The following ARHGEF4 variants were observed in gnomAD, a reference collection of about 807,000 sequenced individuals.
ARHGEF4 encodes Rho guanine nucleotide exchange factor 4.
A neutral mutation model predicts 162.0 loss-of-function variants in ARHGEF4; 119 were observed. That is an observed-to-expected ratio of 0.73 (90% confidence interval 0.63 to 0.86). The LOEUF (loss-of-function observed/expected upper bound fraction) is 0.86, where lower values mean the gene tolerates loss of function less well. Ranked by LOEUF, ARHGEF4 falls within the 40% of genes least tolerant of loss-of-function variation. ARHGEF4 has a pLI of 0.00. For synonymous variants in ARHGEF4, 1,014 were observed against 979.9 expected, an observed-to-expected ratio of 1.03 and a Z score of -0.65; for missense variants, 2,488 against 2,456.0, an observed-to-expected ratio of 1.01 and a Z score of -0.28.
intron 1 of ARHGEF4, among the ~76,000 whole-genome samples, chr2:130,889,191 A>C (rs1679708536): frequency 6.6e-6 from 1 of 152,062 alleles, no homozygotes; most frequent in South Asian, 2.1e-4. Context: ...TATTTAACTT[A>C]CCAAATTATA....
chr2:130,872,376 T>C (rs1444466838), intron 1 of ARHGEF4, among the ~76,000 whole-genome samples: 3 of 152,066 alleles, frequency 2.0e-5, no homozygotes, highest in Non-Finnish European at 2.9e-5. Context: ...ACGTTTGAAA[T>C]TGAGGCTGTC....
At chr2:130,837,046 G>C in intron 1 of ARHGEF4, 54 bp downstream of exon 1, 1 of 1,223,992 alleles carries the variant, frequency 8.2e-7, no homozygotes, top group African/African-American at 1.6e-5. Context: ...CTGCGCGGGT[G>C]GGGAGGAGCA....
At chr2:131,007,227 C>G (rs1317958471) in intron 4 of ARHGEF4, among the ~76,000 whole-genome samples, 4 of 152,292 alleles carry the variant, frequency 2.6e-5, no homozygotes, top group African/African-American at 4.8e-5. Context: ...GCCTCTGTGT[C>G]TATTCCAAGG....
chr2:130,908,527 TTAGC>T (rs1286044859), intron 1 of ARHGEF4, among the ~76,000 whole-genome samples: 1 of 151,994 alleles, frequency 6.6e-6, no homozygotes, highest in Non-Finnish European at 1.5e-5. Context: ...ATATGAAAAA[TTAGC>T]TGGGCATGGT....
At chr2:130,846,131 C>T (rs1295130972) in intron 1 of ARHGEF4, among the ~76,000 whole-genome samples, 2 of 152,252 alleles carry the variant, frequency 1.3e-5, no homozygotes, top group African/African-American at 4.8e-5. Flanking sequence ...CCAGGTCCTT[C>T]TCTGAGAGCT....
At chr2:130,876,688 A>G (rs548223689) in intron 1 of ARHGEF4, among the ~76,000 whole-genome samples, 81 of 152,300 alleles carry the variant, frequency 5.3e-4, no homozygotes, top group South Asian at 2.3e-3. Context: ...CACCGCGCCC[A>G]GCCATGATCA....
chr2:130,977,163 GCTT>G (rs1217377926), intron 4 of ARHGEF4, among the ~76,000 whole-genome samples: 7 of 151,546 alleles, frequency 4.6e-5, no homozygotes, highest in East Asian at 3.9e-4. Context: ...AGCGTGTTGT[GCTT>G]CTGTGTATTG....
Position 130,999,160 on chromosome 2 carries a change from CT to C in ARHGEF4, c.3986-28769del, listed in dbSNP as rs1249587118. 2.7e-3 allele frequency among the ~76,000 whole-genome samples: 371 copies of C among 135,904 alleles called. 2 individuals carry two copies. Among genetic ancestry groups the C allele is most frequent in the Middle Eastern group, 3.8e-3 (1 of 264 alleles). The allele number at this position is 135,904 out of a possible 152,430, so 89.2% of individuals were successfully genotyped here. ...ATAATTGAGGGTTTTTTTGTTTTTT[CT>C]TTTTTTTTTTTTTTTGAGACGGAGT... On this transcript the variant is annotated intron_variant, in intron 4 of 13. Coordinates refer to ENST00000409359, the MANE Select transcript of ARHGEF4 (RefSeq NM_001367493.1).
At chr2:130,962,129 C>T (rs1015916209) in intron 4 of ARHGEF4, among the ~76,000 whole-genome samples, 5 of 151,650 alleles carry the variant, frequency 3.3e-5, no homozygotes, top group Admixed American at 6.6e-5. Context: ...ATCCCAGCTA[C>T]GTGGGAGGCT....
rs114212964 is a variant in ARHGEF4, at chr2:130,998,612, T to G, written c.3986-29333T>G. Among the ~76,000 whole-genome samples, 748 of 152,336 alleles carry G rather than the reference T, an allele frequency of 4.9e-3. 3 individuals carry two copies. Among genetic ancestry groups the G allele is most frequent in the African/African-American group, 0.017 (709 of 41,578 alleles). ...TTCACTTACCAGTATGCATTTGGGT[T>G]TCCTCTGTGTCTTTTATGGCTTCAT... On this transcript the variant is annotated intron_variant, in intron 4 of 13. Transcript: ENST00000409359.
intron 4 of ARHGEF4, among the ~76,000 whole-genome samples, chr2:130,960,338 CTA>C (rs980360275): frequency 5.3e-5 from 8 of 152,008 alleles, no homozygotes; most frequent in African/African-American, 1.9e-4. Flanking sequence ...TGTGCCTTTC[CTA>C]TGTTTTGATT....
intron 1 of ARHGEF4, among the ~76,000 whole-genome samples, chr2:130,878,681 G>A (rs958784018): frequency 1.3e-5 from 2 of 152,176 alleles, no homozygotes; most frequent in East Asian, 1.9e-4. Context: ...TCAGGGCCAC[G>A]GTGATTGCCT....
At chr2:131,009,097 T>C (rs1271032327) in intron 4 of ARHGEF4, among the ~76,000 whole-genome samples, 4 of 152,380 alleles carry the variant, frequency 2.6e-5, no homozygotes, top group African/African-American at 9.6e-5. Context: ...TGCTGGTCAA[T>C]GATTCTCTTA....
chr2:130,961,959 G>A (rs2105190773), intron 4 of ARHGEF4, among the ~76,000 whole-genome samples: 1 of 152,282 alleles, frequency 6.6e-6, no homozygotes, highest in Non-Finnish European at 1.5e-5. Flanking sequence ...ACTGGAAGCA[G>A]GCCGGGCGCG....
chr2:130,869,906 G>A (rs1678348063), intron 1 of ARHGEF4, among the ~76,000 whole-genome samples: 1 of 152,224 alleles, frequency 6.6e-6, no homozygotes, highest in Non-Finnish European at 1.5e-5. Flanking sequence ...CTCACTGTGT[G>A]CACACATGGG....
intron 4 of ARHGEF4, among the ~76,000 whole-genome samples, chr2:131,016,182 T>G (rs1688768007): frequency 6.6e-6 from 1 of 152,150 alleles, no homozygotes. Context: ...CCTCCCAACG[T>G]GCCCCACCAG....
intron 4 of ARHGEF4, among the ~76,000 whole-genome samples, chr2:131,002,374 G>A (rs922838816): frequency 4.6e-5 from 7 of 152,142 alleles, no homozygotes; most frequent in Middle Eastern, 3.4e-3. Flanking sequence ...TCAGGAGATC[G>A]AGACCATCCT....
At position 130,916,250 on chromosome 2, in the gene ARHGEF4, C is replaced by A; in HGVS notation, c.2304C>A (p.Arg768=). ...GAAAARGQRP[R]VPALEPPQPP... ...CAGCAGCCCGGGGCCAGCGCCCCCG[C>A]GTCCCCGCCTTGGAGCCGCCCCAGC... The change falls in exon 2 of 14, where the codon CGC becomes CGA. Residue 768 remains arginine (R), a synonymous_variant. Transcript: ENST00000409359. The A allele has an allele frequency of 6.6e-7, 1 of 1,526,372 alleles. No individual in the cohort carries two copies. 94.6% of individuals were successfully genotyped at this position (1,526,372 alleles called of 1,614,324 possible).
intron 1 of ARHGEF4, among the ~76,000 whole-genome samples, chr2:130,889,901 C>T (rs116317545): frequency 0.014 from 2,125 of 151,104 alleles, 52 homozygotes; most frequent in African/African-American, 0.049. Context: ...TTCCTTTTAG[C>T]GTATTGAGAT....
Sources: gnomAD v4.1 joint callset for allele counts (sites outside exome capture counted in the v4.1 genomes callset) on GRCh38, gnomAD v4.1.1 for gene constraint, MANE v1.5 for transcripts, NCBI Gene and HGNC (gene_info 2026-07-23, HGNC 2026-07-21) for gene names.